The following SVIL variants were observed in gnomAD, a reference collection of about 807,000 sequenced individuals.
SVIL encodes archvillin.
In SVIL, 101 loss-of-function variants were observed where a neutral mutation model predicts 240.4. That is an observed-to-expected ratio of 0.42 (90% CI 0.36 to 0.50). The LOEUF (loss-of-function observed/expected upper bound fraction) is 0.50. SVIL is among the 20% of genes least tolerant of loss of function. The pLI, the probability that SVIL is intolerant of heterozygous loss-of-function variation, is 0.01. For synonymous variants in SVIL, 999 were observed against 1,100.0 expected, an observed-to-expected ratio of 0.91 and a Z score of 1.82; for missense variants, 2,512 against 2,818.7, an observed-to-expected ratio of 0.89 and a Z score of 2.46.
At chr10:29,591,984 C>T (rs1443515510) in intron 1 of SVIL, among the ~76,000 whole-genome samples, 2 of 152,226 alleles carry the variant, frequency 1.3e-5, no homozygotes, top group Non-Finnish European at 2.9e-5. Context: ...GGTGCTGTGG[C>T]TCATGCCTGT....
intron 3 of SVIL, among the ~76,000 whole-genome samples, chr10:29,649,244 T>C (rs749785147): frequency 6.6e-6 from 1 of 152,160 alleles, no homozygotes; most frequent in Non-Finnish European, 1.5e-5. Context: ...TAGGACACAC[T>C]ACTAATATCA....
intron 1 of SVIL, among the ~76,000 whole-genome samples, chr10:29,693,699 G>A (rs111891362): frequency 3.3e-5 from 5 of 152,226 alleles, no homozygotes; most frequent in South Asian, 2.1e-4. Flanking sequence ...CCGAAAAAAC[G>A]TCTTTCAAAG....
At chr10:29,684,756 T>G (rs1270787786) in intron 2 of SVIL, among the ~76,000 whole-genome samples, 1 of 152,104 alleles carries the variant, frequency 6.6e-6, no homozygotes, top group African/African-American at 2.4e-5. Context: ...GAATGTAAAT[T>G]TCTCCCAAAA....
Position 29,533,097 on chromosome 10 carries a change from C to G in SVIL, c.1270G>C (p.Glu424Gln). 1 of 1,613,886 alleles carries G rather than the reference C, an allele frequency of 6.2e-7. No homozygotes were observed. Among genetic ancestry groups the G allele is most frequent in the African/African-American group, 1.3e-5 (1 of 74,998 alleles). Residue 424 changes from glutamate to glutamine, a missense_variant, in exon 8 of 38, where the codon GAG becomes CAG. This residue lies in a region of SVIL where 1,443 missense variants were observed against 1,486.6 expected (regional missense o/e 0.97). Transcript: ENST00000355867. ...GRDSPVLHVC[E>Q]SKAEEEEGEG... Reference sequence around the variant, plus strand: ...CCTTCTTCTTCTTCTGCTTTTGACTCGCAGACATGGAGAACTGGGCTATCC... The same window carrying G: ...CCTTCTTCTTCTTCTGCTTTTGACTGGCAGACATGGAGAACTGGGCTATCC...
intron 1 of SVIL, among the ~76,000 whole-genome samples, chr10:29,704,638 T>C (rs2132652477): frequency 6.6e-6 from 1 of 152,358 alleles, no homozygotes; most frequent in African/African-American, 2.4e-5. Flanking sequence ...TCTCAGTTTA[T>C]TGATCATTTG....
chr10:29,565,864 G>T (rs529403488), intron 2 of SVIL, among the ~76,000 whole-genome samples: 1 of 152,246 alleles, frequency 6.6e-6, no homozygotes, highest in East Asian at 1.9e-4. Flanking sequence ...CTGTACTCCA[G>T]CCTGGGAGAC....
intron 6 of SVIL, among the ~76,000 whole-genome samples, chr10:29,539,087 C>G (rs1184283214): frequency 6.6e-6 from 1 of 151,992 alleles, no homozygotes; most frequent in African/African-American, 2.4e-5. Flanking sequence ...ATCCTTTGAG[C>G]CCAGGAGTTT....
chr10:29,615,475 T>C (rs985419859), intron 1 of SVIL, among the ~76,000 whole-genome samples: 1 of 152,228 alleles, frequency 6.6e-6, no homozygotes, highest in Non-Finnish European at 1.5e-5. Context: ...TGTTAAAAGC[T>C]AAAGCTGGTT....
chr10:29,579,262 C>T (rs1266888916), intron 1 of SVIL, among the ~76,000 whole-genome samples: 2 of 151,950 alleles, frequency 1.3e-5, no homozygotes, highest in East Asian at 3.9e-4. Flanking sequence ...GCGGTGAAAC[C>T]CCCTCTCTAC....
chr10:29,625,861 A>G (rs1363422380), intron 1 of SVIL, among the ~76,000 whole-genome samples: 1 of 152,240 alleles, frequency 6.6e-6, no homozygotes, highest in Non-Finnish European at 1.5e-5. Flanking sequence ...AGGAGGATAC[A>G]AAGCCTTACA....
rs187687276 is a variant in SVIL at position 29,555,538 on chromosome 10, A to G, written c.-50-430T>C. On this transcript the variant is annotated intron_variant, in intron 3 of 37. Coordinates refer to ENST00000355867, the MANE Select transcript of SVIL (RefSeq NM_021738.3). Reference sequence around the variant, plus strand: ...AAATAGAATGTTTTGTTGTATATATATTGTAACACCTAGCTATGTGACTCA... The same window carrying G: ...AAATAGAATGTTTTGTTGTATATATGTTGTAACACCTAGCTATGTGACTCA... Among the ~76,000 whole-genome samples, 538 of 152,306 alleles carry G rather than the reference A, an allele frequency of 3.5e-3. 14 individuals carry two copies. In the South Asian group the frequency reaches 0.073, roughly 21 times the overall value.
intron 1 of SVIL, among the ~76,000 whole-genome samples, chr10:29,582,339 G>A (rs965213846): frequency 7.9e-5 from 12 of 152,160 alleles, no homozygotes; most frequent in East Asian, 5.8e-4. Flanking sequence ...GCACATGGCC[G>A]GCCCACCACT....
intron 1 of SVIL, among the ~76,000 whole-genome samples, chr10:29,583,596 G>A (rs1251345636): frequency 2.0e-5 from 3 of 152,116 alleles, no homozygotes; most frequent in African/African-American, 4.8e-5. Flanking sequence ...CACTGCACCC[G>A]GCCTCCATGG....
intron 3 of SVIL, among the ~76,000 whole-genome samples, chr10:29,559,735 G>A (rs1954280635): frequency 6.6e-6 from 1 of 152,156 alleles, no homozygotes; most frequent in Non-Finnish European, 1.5e-5. Flanking sequence ...TGGTACTACT[G>A]TGGCAATCTG....
At chr10:29,580,955 G>C (rs1955919459) in intron 1 of SVIL, among the ~76,000 whole-genome samples, 1 of 152,170 alleles carries the variant, frequency 6.6e-6, no homozygotes, top group African/African-American at 2.4e-5. Context: ...CCATGAGCTG[G>C]AATTTAAATG....
intron 1 of SVIL, chr10:29,602,309 GCACTGGGTT>G (rs1564690143): frequency 1.9e-6 from 1 of 533,830 alleles, no homozygotes; most frequent in Admixed American, 1.9e-5. Flanking sequence ...TCATGAAGGT[GCACTGGGTT>G]CACCTTTAAG....
At position 29,641,577 on chromosome 10, in the gene SVIL, TAAATAAA is replaced by T. The variant is rs572217429; in HGVS notation, c.-201+16385_-201+16391del. On this transcript the variant is annotated intron_variant, in intron 3 of 35. Transcript: ENST00000375400. ...GAACGAAACTCCATCTCAAAATAAA[TAAATAAA>T]AAATAAAAAATAAAAATAAATTTGT... Among the ~76,000 whole-genome samples, 599 of 151,286 alleles carry T rather than the reference TAAATAAA, an allele frequency of 4.0e-3. 4 individuals are homozygous for T. The highest frequency in any genetic ancestry group is 6.5e-3 in the Non-Finnish European group (441 of 67,774).
intron 7 of SVIL, among the ~76,000 whole-genome samples, chr10:29,534,492 G>A (rs1328324): frequency 0.014 from 2,112 of 152,296 alleles, 40 homozygotes; most frequent in African/African-American, 0.045. Context: ...AACAGAGAGA[G>A]GCTCTGTCCC....
chr10:29,535,802 A>C (rs1417969461), intron 7 of SVIL, among the ~76,000 whole-genome samples, 187 bp downstream of exon 7: 1 of 152,212 alleles, frequency 6.6e-6, no homozygotes, highest in Non-Finnish European at 1.5e-5. Flanking sequence ...GGAAGGAGAG[A>C]TACTATTAGC....
Sources: gnomAD v4.1 joint callset for allele counts (sites outside exome capture counted in the v4.1 genomes callset) on GRCh38, gnomAD v4.1.1 for gene constraint, gnomAD v4.1.1 regional missense constraint, MANE v1.5 for transcripts, NCBI Gene and HGNC (gene_info 2026-07-23, HGNC 2026-07-21) for gene names.